Variants in KCNMA1 observed in about 807,000 individuals in gnomAD.
The protein encoded by KCNMA1 is potassium calcium-activated channel subfamily M alpha 1, also known as Calcium-activated potassium channel subunit alpha-1.
Under a neutral mutation model 140.0 loss-of-function variants are expected in KCNMA1, and 29 were observed. The observed-to-expected ratio is 0.21, with a 90% CI of 0.15 to 0.28. The LOEUF is 0.28. KCNMA1 is among the 10% of genes least tolerant of loss of function. The probability of loss-of-function intolerance (pLI) is 1.00; values close to 1 mark genes in which losing one functional copy is unlikely to be tolerated. For missense variants in KCNMA1, 880 were observed against 1,602.2 expected, an observed-to-expected ratio of 0.55 and a Z score of 7.70; for synonymous variants, 612 against 611.9, an observed-to-expected ratio of 1.00 and a Z score of 0.00.
chr10:77,297,780 C>A (rs1038813057), intron 2 of KCNMA1, among the ~76,000 whole-genome samples: 3 of 152,158 alleles, frequency 2.0e-5, no homozygotes, highest in South Asian at 4.1e-4. Context: ...CATTCCTCTC[C>A]TTACTCCCAA....
chr10:77,150,121 C>A (rs2098391602), intron 5 of KCNMA1: 1 of 152,172 alleles, frequency 6.6e-6, no homozygotes, highest in East Asian at 1.9e-4. Flanking sequence ...TAAGTGGATT[C>A]TTTCTTCCTG....
chr10:77,254,449 C>T (rs1255636619), intron 2 of KCNMA1, among the ~76,000 whole-genome samples: 1 of 152,070 alleles, frequency 6.6e-6, no homozygotes, highest in Non-Finnish European at 1.5e-5. Flanking sequence ...TCTCAAACTC[C>T]TGACCTCAAG....
intron 15 of KCNMA1, among the ~76,000 whole-genome samples, chr10:77,029,853 A>C (rs2093783395): frequency 6.6e-6 from 1 of 152,226 alleles, no homozygotes; most frequent in African/African-American, 2.4e-5. Context: ...AGCAAAGTCA[A>C]GCGTGACAGT....
chr10:76,961,378 A>G (rs972658806), intron 20 of KCNMA1, among the ~76,000 whole-genome samples: 7 of 152,190 alleles, frequency 4.6e-5, no homozygotes, highest in African/African-American at 1.7e-4. Context: ...TGAACATATG[A>G]GGAGTTGCTT....
intron 1 of KCNMA1, among the ~76,000 whole-genome samples, chr10:77,462,232 C>T (rs1324847912): frequency 6.6e-6 from 1 of 151,982 alleles, no homozygotes; most frequent in African/African-American, 2.4e-5. Context: ...TAGATGCACA[C>T]ACCTAAACAC....
chr10:77,286,766 C>G (rs868855238), intron 2 of KCNMA1, among the ~76,000 whole-genome samples: 2 of 136,684 alleles, frequency 1.5e-5, no homozygotes, highest in African/African-American at 5.3e-5. Context: ...TGTGTGTGTG[C>G]GGGGGGGGGG....
chr10:77,416,259 T>C (rs756389913), intron 1 of KCNMA1, among the ~76,000 whole-genome samples: 1 of 152,084 alleles, frequency 6.6e-6, no homozygotes, highest in African/African-American at 2.4e-5. Context: ...GTCTGAGGGA[T>C]GGAGGCATGG....
exon 28 of KCNMA1, chr10:76,871,629 A>T (rs543367358): frequency 6.6e-6 from 1 of 152,360 alleles, no homozygotes; most frequent in South Asian, 2.1e-4. Context: ...GTGAGGACAC[A>T]GCAGCTGCTC....
chr10:77,415,673 T>G (rs887706280), intron 1 of KCNMA1, among the ~76,000 whole-genome samples: 3 of 152,224 alleles, frequency 2.0e-5, no homozygotes, highest in African/African-American at 7.2e-5. Context: ...TGCCATCCTG[T>G]AGACCAGGAG....
intron 2 of KCNMA1, among the ~76,000 whole-genome samples, chr10:77,351,086 G>C (rs2092818176): frequency 6.6e-6 from 1 of 152,214 alleles, no homozygotes; most frequent in Admixed American, 6.5e-5. Context: ...GCTTTCAGGG[G>C]ACTTTATCCA....
chr10:76,911,350 C>T (rs1018595071), intron 24 of KCNMA1: 2 of 152,166 alleles, frequency 1.3e-5, no homozygotes, highest in Non-Finnish European at 2.9e-5. Flanking sequence ...CTCTGTTCTT[C>T]CAAAATTGGT....
At chr10:76,974,454 T>C in intron 19 of KCNMA1, 1 of 1,341,176 alleles carries the variant, frequency 7.5e-7, no homozygotes. Context: ...GGGTAGTTAT[T>C]AAAAATGGGA....
At chr10:77,151,874 A>G (rs1023456765) in intron 5 of KCNMA1, among the ~76,000 whole-genome samples, 11 of 152,232 alleles carry the variant, frequency 7.2e-5, no homozygotes, top group African/African-American at 2.7e-4. Flanking sequence ...TTTCTCTAGC[A>G]TATTTCATGA....
chr10:77,126,367 G>C (rs1440466683), intron 5 of KCNMA1, among the ~76,000 whole-genome samples: 1 of 152,108 alleles, frequency 6.6e-6, no homozygotes, highest in Admixed American at 6.5e-5. Context: ...GGACTTATCT[G>C]TGTTTTTCCA....
chr10:77,632,423 T>C (rs1434463392), intron 1 of KCNMA1, among the ~76,000 whole-genome samples: 1 of 152,138 alleles, frequency 6.6e-6, no homozygotes, highest in Non-Finnish European at 1.5e-5. Flanking sequence ...CAACCATACC[T>C]GCCCACCAAA....
chr10:77,029,307 G>A (rs1240802946), intron 15 of KCNMA1, among the ~76,000 whole-genome samples: 1 of 152,212 alleles, frequency 6.6e-6, no homozygotes, highest in Non-Finnish European at 1.5e-5. Flanking sequence ...AGCATTGTAA[G>A]GGGGATAAGA....
intron 20 of KCNMA1, among the ~76,000 whole-genome samples, chr10:76,954,429 C>A (rs1375939669): frequency 2.0e-5 from 3 of 152,230 alleles, no homozygotes; most frequent in Admixed American, 1.3e-4. Flanking sequence ...CTGACTACAA[C>A]TTCTGACGTG....
chr10:76,879,042 C>T (rs987918773), intron 29 of KCNMA1, among the ~76,000 whole-genome samples: 1 of 152,098 alleles, frequency 6.6e-6, no homozygotes, highest in African/African-American at 2.4e-5. Context: ...ACTGCCTTGT[C>T]AGTGGTCCTG....
intron 13 of KCNMA1, among the ~76,000 whole-genome samples, chr10:77,076,495 C>T (rs1170871523): frequency 2.0e-5 from 3 of 152,142 alleles, no homozygotes; most frequent in Admixed American, 6.5e-5. Flanking sequence ...TGCCTACTCT[C>T]GGGAACCACA....
Sources: gnomAD v4.1 joint callset for allele counts (sites outside exome capture counted in the v4.1 genomes callset) on GRCh38, gnomAD v4.1.1 for gene constraint, MANE v1.5 for transcripts, NCBI Gene and HGNC (gene_info 2026-07-23, HGNC 2026-07-21) for gene names.